NTNG1: variants seen among roughly 807,000 people sequenced by gnomAD.
NTNG1 encodes netrin-G1.
NTNG1 carries 16 observed loss-of-function variants against 54.0 expected under a neutral mutation model. That is an observed-to-expected ratio of 0.30 (90% CI 0.20 to 0.45). The LOEUF is 0.45. Among genes scored for constraint, NTNG1 ranks in the 20% least tolerant of loss-of-function variants. The probability of loss-of-function intolerance (pLI) is 1.00; values close to 1 mark genes in which losing one functional copy is unlikely to be tolerated. For synonymous variants in NTNG1, 255 were observed against 263.1 expected (o/e 0.97, Z 0.30); for missense variants, 530 against 678.7 (o/e 0.78, Z 2.43).
rs541533542 is a variant in NTNG1, at chr1:107,320,854, C to T, written c.247-3428C>T. On this transcript the variant is annotated intron_variant, in intron 2 of 7. Transcript: ENST00000370068. Reference sequence around the variant, plus strand: ...AAATAAGGAGAACAATTGATTTTTTCCCCTCTTTGGTATCTACAGTCATTT... The same window carrying T: ...AAATAAGGAGAACAATTGATTTTTTTCCCTCTTTGGTATCTACAGTCATTT... Among the ~76,000 whole-genome samples the T allele has an allele frequency of 1.3e-3, 199 of 151,924 alleles. 1 individual carries two copies. The highest frequency in any genetic ancestry group is 4.7e-3 in the African/African-American group (193 of 41,488).
chr1:107,267,527 A>G (rs1663830952), intron 2 of NTNG1, among the ~76,000 whole-genome samples: 1 of 152,136 alleles, frequency 6.6e-6, no homozygotes, highest in South Asian at 2.1e-4. Flanking sequence ...TCAATTCACT[A>G]CCAACGTCTA....
chr1:107,397,708 G>A (rs1156817445), intron 4 of NTNG1, among the ~76,000 whole-genome samples: 1 of 151,062 alleles, frequency 6.6e-6, no homozygotes, highest in African/African-American at 2.4e-5. Flanking sequence ...AGTTTTAACT[G>A]GTATAAAAGT....
intron 2 of NTNG1, among the ~76,000 whole-genome samples, chr1:107,199,014 A>AT (rs201683079): frequency 2.7e-4 from 41 of 149,242 alleles, no homozygotes; most frequent in South Asian, 8.5e-4. Context: ...TGAAATTGCT[A>AT]TTTTTTTTTT....
intron 2 of NTNG1, among the ~76,000 whole-genome samples, chr1:107,279,304 A>G (rs1393375236): frequency 1.3e-5 from 2 of 152,146 alleles, no homozygotes; most frequent in Non-Finnish European, 2.9e-5. Context: ...AATGGAATGT[A>G]TGTTTATCAT....
chr1:107,207,792 G>A (rs540349520), intron 2 of NTNG1, among the ~76,000 whole-genome samples: 128 of 152,282 alleles, frequency 8.4e-4, no homozygotes, highest in Non-Finnish European at 1.6e-3. Context: ...CATGGAACTT[G>A]TGCCTGTAAA....
chr1:107,145,632 A>G (rs1654045708), intron 1 of NTNG1, among the ~76,000 whole-genome samples: 2 of 152,094 alleles, frequency 1.3e-5, no homozygotes, highest in Non-Finnish European at 2.9e-5. Context: ...TTTTTAATAC[A>G]TTAATAATAT....
intron 3 of NTNG1, among the ~76,000 whole-genome samples, chr1:107,328,271 A>C (rs573177860): frequency 1.1e-4 from 16 of 152,284 alleles, no homozygotes; most frequent in Non-Finnish European, 2.1e-4. Flanking sequence ...AGTGAATAAC[A>C]GACGAGTGCA....
rs568056918 is a variant in NTNG1, at chr1:107,162,043, G to A, written c.246+13204G>A. On this transcript the variant is annotated intron_variant, in intron 2 of 7. Transcript: ENST00000370068. ...GTTAATACTATATATATGTACATAT[G>A]TATGCATATGTATATATTTTATTGT... Among the ~76,000 whole-genome samples the A allele has an allele frequency of 2.0e-4, 31 of 151,856 alleles. No homozygotes were observed. In the South Asian group the frequency reaches 2.7e-3, roughly 13 times the overall value.
intron 2 of NTNG1, among the ~76,000 whole-genome samples, chr1:107,307,654 C>T (rs369884672): frequency 3.9e-5 from 6 of 152,140 alleles, no homozygotes; most frequent in Admixed American, 1.3e-4. Context: ...TTATTTGTTC[C>T]AGTTGTCCAG....
At chr1:107,460,071 C>A (rs754805193) in intron 7 of NTNG1, among the ~76,000 whole-genome samples, 2 of 152,032 alleles carry the variant, frequency 1.3e-5, no homozygotes, top group African/African-American at 2.4e-5. Flanking sequence ...AAATAATTTG[C>A]TTTGTCAGGA....
At chr1:107,350,917 A>G (rs1182150612) in intron 3 of NTNG1, among the ~76,000 whole-genome samples, 1 of 152,180 alleles carries the variant, frequency 6.6e-6, no homozygotes, top group East Asian at 1.9e-4. Flanking sequence ...TGGAGAGCTA[A>G]TGTACAGCAT....
intron 3 of NTNG1, among the ~76,000 whole-genome samples, chr1:107,374,482 A>T (rs1399140944): frequency 6.6e-6 from 1 of 152,022 alleles, no homozygotes; most frequent in African/African-American, 2.4e-5. Flanking sequence ...TGTGTCTTTC[A>T]CTTCACTAAT....
chr1:107,312,960 C>G (rs573256611), intron 2 of NTNG1, among the ~76,000 whole-genome samples: 1 of 152,138 alleles, frequency 6.6e-6, no homozygotes, highest in East Asian at 1.9e-4. Context: ...ACTTTAATAC[C>G]TCCTACAAAT....
intron 2 of NTNG1, among the ~76,000 whole-genome samples, chr1:107,299,480 G>A (rs1666193781): frequency 6.6e-6 from 1 of 152,042 alleles, no homozygotes; most frequent in Admixed American, 6.6e-5. Context: ...TTATTTTTTA[G>A]GCACTTGCTA....
intron 2 of NTNG1, among the ~76,000 whole-genome samples, chr1:107,184,882 A>C (rs1557789364): frequency 6.6e-6 from 1 of 152,180 alleles, no homozygotes; most frequent in Non-Finnish European, 1.5e-5. Context: ...GACAGGGTAA[A>C]ATAAGGATGG....
intron 2 of NTNG1, among the ~76,000 whole-genome samples, chr1:107,245,198 C>G (rs1484622521): frequency 6.6e-6 from 1 of 152,162 alleles, no homozygotes; most frequent in African/African-American, 2.4e-5. Flanking sequence ...CACTATCAGG[C>G]TAATCTGAAT....
intron 3 of NTNG1, among the ~76,000 whole-genome samples, chr1:107,332,646 C>A (rs1209828992): frequency 1.3e-5 from 2 of 151,930 alleles, no homozygotes; most frequent in African/African-American, 2.4e-5. Flanking sequence ...TTTTTTGAGA[C>A]CTATGTGATC....
chr1:107,459,052 A>G (rs1024645462), intron 7 of NTNG1, among the ~76,000 whole-genome samples: 2 of 152,128 alleles, frequency 1.3e-5, no homozygotes, highest in African/African-American at 4.8e-5. Context: ...TTTTATCATT[A>G]TCTTTTACCA....
intron 2 of NTNG1, among the ~76,000 whole-genome samples, chr1:107,166,901 A>T (rs76168076): frequency 0.02 from 2,982 of 152,248 alleles, 80 homozygotes; most frequent in African/African-American, 0.067. Flanking sequence ...TGGTGCTGTC[A>T]TTAAGTACCA....
Sources: gnomAD v4.1 joint callset for allele counts (sites outside exome capture counted in the v4.1 genomes callset) on GRCh38, gnomAD v4.1.1 for gene constraint, MANE v1.5 for transcripts, NCBI Gene and HGNC (gene_info 2026-07-23, HGNC 2026-07-21) for gene names.